TRHDE: variants seen among roughly 807,000 people sequenced by gnomAD.
The protein encoded by TRHDE is thyrotropin releasing hormone degrading enzyme, also known as thyrotropin-releasing hormone-degrading ectoenzyme.
Under a neutral mutation model 125.7 loss-of-function variants are expected in TRHDE, and 72 were observed. The observed-to-expected ratio is 0.57, with a 90% CI of 0.47 to 0.70. The LOEUF is 0.70. Ranked by LOEUF, TRHDE falls within the 30% of genes least tolerant of loss-of-function variation. The pLI is 0.00. For synonymous variants in TRHDE, 509 were observed against 509.1 expected (o/e 1.00, Z 0.00); for missense variants, 1,110 against 1,327.1 (o/e 0.84, Z 2.54).
At chr12:72,637,732 C>T (rs1873829354) in intron 15 of TRHDE, among the ~76,000 whole-genome samples, 3 of 152,072 alleles carry the variant, frequency 2.0e-5, no homozygotes, top group Admixed American at 1.3e-4. Flanking sequence ...TCAAAGAACA[C>T]CTTTATTTCT....
At chr12:72,396,445 C>T (rs574610695) in intron 3 of TRHDE, among the ~76,000 whole-genome samples, 1 of 152,092 alleles carries the variant, frequency 6.6e-6, no homozygotes, top group Non-Finnish European at 1.5e-5. Context: ...TTCACTCACT[C>T]TTTCAAGACT....
intron 3 of TRHDE, among the ~76,000 whole-genome samples, chr12:72,463,518 T>G (rs1457559531): frequency 6.6e-6 from 1 of 152,168 alleles, no homozygotes; most frequent in African/African-American, 2.4e-5. Context: ...AGTAGGACAA[T>G]TGATAACTAT....
At chr12:72,481,273 C>T (rs1877156724) in intron 5 of TRHDE, among the ~76,000 whole-genome samples, 1 of 149,280 alleles carries the variant, frequency 6.7e-6, no homozygotes, top group Non-Finnish European at 1.5e-5. Flanking sequence ...TTCAAGATAT[C>T]CCTAGACAAG....
At chr12:72,229,464 T>C (rs1878204795) in intron 2 of TRHDE, among the ~76,000 whole-genome samples, 1 of 152,080 alleles carries the variant, frequency 6.6e-6, no homozygotes, top group Non-Finnish European at 1.5e-5. Context: ...GGAGCTACAA[T>C]CCAAGATGAG....
At chr12:72,482,153 C>A (rs1402083320) in intron 5 of TRHDE, among the ~76,000 whole-genome samples, 4 of 151,902 alleles carry the variant, frequency 2.6e-5, no homozygotes, top group Non-Finnish European at 4.4e-5. Flanking sequence ...TGGAATAAAT[C>A]TCATGATAAT....
intron 2 of TRHDE, among the ~76,000 whole-genome samples, chr12:72,136,950 A>T (rs1875999746): frequency 6.6e-6 from 1 of 152,188 alleles, no homozygotes; most frequent in Admixed American, 6.5e-5. Flanking sequence ...AGCAGTGTGT[A>T]CTTTGGTCTC....
At chr12:72,477,256 A>C (rs944197764) in intron 5 of TRHDE, among the ~76,000 whole-genome samples, 1 of 152,202 alleles carries the variant, frequency 6.6e-6, no homozygotes, top group Non-Finnish European at 1.5e-5. Flanking sequence ...TTTTTTGTAT[A>C]GATAAGCTAA....
At chr12:72,258,150 A>G (rs1317836280) in intron 2 of TRHDE, 1 of 152,178 alleles carries the variant, frequency 6.6e-6, no homozygotes, top group South Asian at 2.1e-4. Context: ...AGGTTCTTCC[A>G]GTAGGGTGAA....
intron 12 of TRHDE, among the ~76,000 whole-genome samples, chr12:72,617,450 C>T (rs943468893): frequency 7.9e-5 from 12 of 152,078 alleles, no homozygotes; most frequent in African/African-American, 9.7e-5. Context: ...ATTATTTTAA[C>T]GAAGATGAAA....
chr12:72,417,140 T>A (rs1482907806), intron 3 of TRHDE, among the ~76,000 whole-genome samples: 1 of 152,092 alleles, frequency 6.6e-6, no homozygotes, highest in African/African-American at 2.4e-5. Context: ...TTAAATGAGA[T>A]TACTTTCTTG....
At chr12:72,218,479 T>C (rs919113844) in intron 2 of TRHDE, among the ~76,000 whole-genome samples, 7 of 152,124 alleles carry the variant, frequency 4.6e-5, no homozygotes, top group African/African-American at 1.7e-4. Context: ...TAACCCCATG[T>C]ATTAGTTTCT....
Position 72,366,992 on chromosome 12 carries a change from A to AG in TRHDE, c.1189-11002dup, listed in dbSNP as rs1871364097. 2.0e-5 allele frequency among the ~76,000 whole-genome samples: 3 copies of AG among 152,110 alleles called. 1 individual carries two copies. In the South Asian group the frequency reaches 6.2e-4, roughly 32 times the overall value. Reference sequence around the variant, plus strand: ...TCGTGAGATTCACCAAGAGGCTTTGAGATGTCTTTCTGCAATGTGTTTTTG... The same window carrying AG: ...TCGTGAGATTCACCAAGAGGCTTTGAGGATGTCTTTCTGCAATGTGTTTTTG... On this transcript the variant is annotated intron_variant, in intron 2 of 18. Transcript: ENST00000261180.
intron 3 of TRHDE, among the ~76,000 whole-genome samples, chr12:72,382,738 A>C (rs1872241744): frequency 6.6e-6 from 1 of 152,238 alleles, no homozygotes; most frequent in Non-Finnish European, 1.5e-5. Flanking sequence ...TACAAAAAAA[A>C]TCTTAAAACT....
intron 2 of TRHDE, among the ~76,000 whole-genome samples, chr12:72,171,165 A>G (rs1876864735): frequency 6.6e-6 from 1 of 152,040 alleles, no homozygotes; most frequent in Non-Finnish European, 1.5e-5. Context: ...TCACCTTCAC[A>G]CCACCAAAGA....
chr12:72,652,264 A>AT, intron 15 of TRHDE, 58 bp from the exon 16 acceptor site: 1 of 1,270,662 alleles, frequency 7.9e-7, no homozygotes, highest in Non-Finnish European at 1.0e-6. Context: ...ACCTGTCTTT[A>AT]TTTTCAATAC....
At chr12:72,639,928 A>G (rs529100610) in intron 15 of TRHDE, among the ~76,000 whole-genome samples, 19 of 150,152 alleles carry the variant, frequency 1.3e-4, no homozygotes, top group African/African-American at 4.7e-4. Flanking sequence ...GGGACACTTA[A>G]GTCTGTAGAG....
At chr12:72,408,238 A>C (rs1240595101) in intron 3 of TRHDE, among the ~76,000 whole-genome samples, 4 of 152,194 alleles carry the variant, frequency 2.6e-5, no homozygotes, top group Non-Finnish European at 4.4e-5. Flanking sequence ...TCCTTAATTC[A>C]TTCATAAGGA....
At chr12:72,575,168 T>C (rs571532704) in intron 10 of TRHDE, 87 bp from the exon 11 acceptor site, 2 of 1,223,572 alleles carry the variant, frequency 1.6e-6, no homozygotes, top group South Asian at 2.8e-5. Context: ...TAATTATTGG[T>C]ATTGTTATAT....
intron 2 of TRHDE, among the ~76,000 whole-genome samples, chr12:72,162,021 T>C (rs992080): frequency 0.096 from 14,610 of 152,242 alleles, 1,175 homozygotes; most frequent in African/African-American, 0.22. Flanking sequence ...GATCATTTAC[T>C]ATGGCACTTA....
Sources: allele counts gnomAD v4.1 joint callset (sites outside exome capture counted in the v4.1 genomes callset), GRCh38; gene constraint gnomAD v4.1.1; transcripts MANE v1.5; gene names NCBI Gene and HGNC (gene_info 2026-07-23, HGNC 2026-07-21).